The following UBR4 variants were observed in gnomAD, a reference collection of about 807,000 sequenced individuals.
UBR4 encodes E3 ubiquitin-protein ligase UBR4.
In UBR4, 124 loss-of-function variants were observed where a neutral mutation model predicts 575.6. That is an observed-to-expected ratio of 0.22 (90% confidence interval 0.19 to 0.25). The LOEUF (loss-of-function observed/expected upper bound fraction) is 0.25. UBR4 is among the 10% of genes least tolerant of loss of function. UBR4 has a pLI of 1.00. For missense variants in UBR4, 4,818 were observed against 6,478.8 expected (o/e 0.74, Z 8.80); for synonymous variants, 2,455 against 2,473.7 (o/e 0.99, Z 0.22).
chr1:19,187,076 T>TTATA (rs59833909), intron 13 of UBR4, 88 bp downstream of exon 13: 562 of 732,966 alleles, frequency 7.7e-4, no homozygotes, highest in African/African-American at 1.8e-3. Context: ...CAAGAAAGTT[T>TTATA]TATATATATA....
chr1:19,156,848 A>G lies in UBR4; in HGVS notation c.5838T>C (p.Ala1946=), dbSNP rs779883773. The part of the protein sequence containing the change: ...SKRKLTLTRL[A]SAPVPFTVLS... Reference sequence around the variant, plus strand: ...ACACAGTAAAAGGAACTGGGGCAGAAGCCAAGCGGGTCAGAGTTAACTTCC... The same window carrying G: ...ACACAGTAAAAGGAACTGGGGCAGAGGCCAAGCGGGTCAGAGTTAACTTCC... Residue 1946 remains alanine (A), a synonymous_variant, in exon 41 of 106, where the codon GCT becomes GCC. Transcript: ENST00000375254. The G allele has an allele frequency of 1.2e-6, 2 of 1,614,208 alleles. No individual in the cohort carries two copies. The highest frequency in any genetic ancestry group is 1.1e-5 in the South Asian group (1 of 91,090).
At chr1:19,092,112 GATA>G in intron 97 of UBR4, among the ~76,000 whole-genome samples, 1 of 152,186 alleles carries the variant, frequency 6.6e-6, no homozygotes, top group East Asian at 1.9e-4. Context: ...AGCAGGGGAA[GATA>G]GATGTGGCTA....
At chr1:19,087,710 T>G in intron 99 of UBR4, 106 bp downstream of exon 99, 2 of 845,818 alleles carry the variant, frequency 2.4e-6, no homozygotes, top group Non-Finnish European at 3.8e-6. Flanking sequence ...ATGCAGGCCT[T>G]GATCTTGCCT....
intron 55 of UBR4, 115 bp from the exon 56 acceptor site, chr1:19,141,892 G>C (rs1397748162): frequency 3.7e-5 from 54 of 1,453,958 alleles, no homozygotes; most frequent in Middle Eastern, 3.7e-4. Context: ...AGCACCCTGG[G>C]CTTTAGCGGG....
Position 19,127,752 on chromosome 1 carries a change from GC to G in UBR4, c.9112-14del, listed in dbSNP as rs1270262705. 6.2e-7 allele frequency: 1 copy of G among 1,609,836 alleles called. No individual in the cohort carries two copies. Among genetic ancestry groups the G allele is most frequent in the South Asian group, 1.1e-5 (1 of 90,980 alleles). On this transcript the variant is annotated splice_polypyrimidine_tract_variant and intron_variant, in intron 62 of 105. Transcript: ENST00000375254. ...TCTTGGAGACATCCTGCAGGCCAAA[GC>G]GTAAGTCCAGAAACCTCTACTTACT...
intron 62 of UBR4, among the ~76,000 whole-genome samples, 159 bp from the exon 63 acceptor site, chr1:19,127,898 G>A (rs149591377): frequency 1.3e-5 from 2 of 152,162 alleles, no homozygotes; most frequent in African/African-American, 4.8e-5. Flanking sequence ...CTATACTTGG[G>A]GTACCTAGAG....
chr1:19,083,283 T>C (rs1251197952), intron 102 of UBR4, among the ~76,000 whole-genome samples: 2 of 152,156 alleles, frequency 1.3e-5, no homozygotes, highest in Non-Finnish European at 2.9e-5. Flanking sequence ...GTTTTAACAA[T>C]GAAGCCTGTG....
rs895478500 is a variant in UBR4, at chr1:19,110,690, G to A, written c.11892+52C>T. ...TGGGAGGGGAAGCTGAGAAACACAA[G>A]GCATGTGAGGGGAAGTCAGAGAGGA... is the stretch of plus-strand genomic sequence containing the variant. On this transcript the variant is annotated intron_variant, in intron 79 of 105. Transcript: ENST00000375254. This position sits in a 1 kb window ranked among gnomAD's most constrained non-coding sequence, Gnocchi z 4.5. The A allele has an allele frequency of 6.3e-7, 1 of 1,581,144 alleles. No homozygotes were observed. The highest frequency in any genetic ancestry group is 8.7e-7 in the Non-Finnish European group (1 of 1,150,718).
Position 19,187,278 on chromosome 1 carries a change from A to C in UBR4, c.1518T>G (p.Pro506=), listed in dbSNP as rs1424085934. ...TCTGGGCCATAATGCTCAAGGCTGC[A>C]GGGGGGCCATCTGTCTCCCAACCCT... ...LHKGWETDGP[P]AALSIMAQST... The change falls in exon 13 of 106, where the codon CCT becomes CCG. Residue 506 remains proline (P), a synonymous_variant. Transcript: ENST00000375254. 2.5e-6 allele frequency: 4 copies of C among 1,613,810 alleles called. No homozygotes were observed. Among genetic ancestry groups the C allele is most frequent in the Non-Finnish European group, 2.5e-6 (3 of 1,179,828 alleles).
chr1:19,177,650 G>T lies in UBR4; in HGVS notation c.2448C>A (p.Leu816=). 6.2e-7 allele frequency: 1 copy of T among 1,614,100 alleles called. No individual in the cohort carries two copies. Among genetic ancestry groups the T allele is most frequent in the South Asian group, 1.1e-5 (1 of 91,070 alleles). Residue 816 remains leucine, a synonymous_variant, in exon 19 of 106, where the codon CTC becomes CTA. Transcript: ENST00000375254. ...LNVEHLQMLL[L]IFHNFTETGR... ...CTGTCTCGGTGAAATTGTGGAAAAT[G>T]AGGAGGAGCATCTGCAGGTGTTCTA...
In UBR4 at chr1:19,170,875, A is replaced by C; in HGVS notation, c.3530T>G (p.Leu1177Trp). The C allele has an allele frequency of 6.2e-7, 1 of 1,614,194 alleles. No homozygotes were observed. The highest frequency in any genetic ancestry group is 8.5e-7 in the Non-Finnish European group (1 of 1,180,022). Residue 1177 changes from leucine (L) to tryptophan (W), a missense_variant, in exon 26 of 106, where the codon TTG becomes TGG. Transcript: ENST00000375254. ...TCCCTCTTCATTAAAGTTTTGCAGC[A>C]AATAGGCTCTGGGGAAAAAACAGGG... is the stretch of plus-strand genomic sequence containing the variant. ...DTYASFTRAY[L>W]LQNFNEEGTT...
Position 19,185,300 on chromosome 1 carries a change from G to A in UBR4, c.1751-14C>T. ...CACTGTCATCGTCTGAATAGAGAAAGATAAAGTAACGAAAATAAATATTTT... is the reference window on the plus strand; with the variant it reads ...CACTGTCATCGTCTGAATAGAGAAAAATAAAGTAACGAAAATAAATATTTT... On this transcript the variant is annotated splice_polypyrimidine_tract_variant and intron_variant, in intron 14 of 105. Coordinates refer to ENST00000375254, the MANE Select transcript of UBR4 (RefSeq NM_020765.3). The A allele has an allele frequency of 1.3e-6, 2 of 1,513,702 alleles. No individual in the cohort carries two copies. The highest frequency in any genetic ancestry group is 1.8e-4 in the Middle Eastern group (1 of 5,536). 93.8% of individuals were successfully genotyped at this position (1,513,702 alleles called of 1,614,324 possible). A position where few individuals can be genotyped will look rare whatever the true frequency, so the allele number is the denominator to read the frequency against.
In UBR4 at chr1:19,177,621, C is replaced by T. The variant is rs543453513; in HGVS notation, c.2477G>A (p.Arg826Gln). 8.7e-6 allele frequency: 14 copies of T among 1,613,926 alleles called. No homozygotes were observed. Among genetic ancestry groups the T allele is most frequent in the Middle Eastern group, 1.7e-4 (1 of 6,058 alleles). Reference protein sequence around the residue: ...LIFHNFTETGRRAILSLFVQI... With the variant: ...LIFHNFTETGQRAILSLFVQI... ...GACAAAAAGCGACAATATGGCCCGCCGGCCTGTCTCGGTGAAATTGTGGAA... is the reference window on the plus strand; with the variant it reads ...GACAAAAAGCGACAATATGGCCCGCTGGCCTGTCTCGGTGAAATTGTGGAA... Residue 826 changes from arginine (R) to glutamine (Q), a missense_variant, in exon 19 of 106, where the codon CGG becomes CAG. By Grantham distance (43) the Arg-to-Gln change is conservative. This residue lies in a region of UBR4 where 1,172 missense variants were observed against 1,259.7 expected (regional missense o/e 0.93). Transcript: ENST00000375254.
At chr1:19,137,309 A>C (rs2083308140) in intron 60 of UBR4, among the ~76,000 whole-genome samples, 1 of 152,094 alleles carries the variant, frequency 6.6e-6, no homozygotes, top group South Asian at 2.1e-4. Flanking sequence ...AAAAAAAAAA[A>C]AAAAATTCTG....
intron 17 of UBR4, among the ~76,000 whole-genome samples, chr1:19,180,605 TGGAAAAATCA>T (rs1268477534): frequency 6.6e-6 from 1 of 150,706 alleles, no homozygotes; most frequent in East Asian, 1.9e-4. Context: ...ATTCTAATAA[TGGAAAAATCA>T]GGAAAAAAAA....
At chr1:19,115,704 A>G in intron 73 of UBR4, 67 bp from the exon 74 acceptor site, 1 of 1,583,602 alleles carries the variant, frequency 6.3e-7, no homozygotes, top group South Asian at 1.2e-5. Context: ...TGATGAGACA[A>G]AGAGGAAGAC....
At position 19,093,055 on chromosome 1, in the gene UBR4, A is replaced by G. The variant is rs2077682805; in HGVS notation, c.14112-137T>C. 2.3e-5 allele frequency: 20 copies of G among 880,124 alleles called. No individual in the cohort carries two copies. In the South Asian group the frequency reaches 3.5e-4, roughly 15 times the overall value. 54.5% of individuals were successfully genotyped at this position (880,124 alleles called of 1,614,324 possible). On this transcript the variant is annotated intron_variant, in intron 96 of 105. Coordinates refer to ENST00000375254, the MANE Select transcript of UBR4 (RefSeq NM_020765.3). This position sits in a 1 kb window ranked among gnomAD's most constrained non-coding sequence, Gnocchi z 4.8. ...CTCCGAGTGTCATAAAGAATCACAT[A>G]GAACCACCCAGCTCAGCTGAAAAGC... is the stretch of plus-strand genomic sequence containing the variant.
At chr1:19,084,138 TCCC>T (rs1268049572) in intron 102 of UBR4, among the ~76,000 whole-genome samples, 2 of 152,186 alleles carry the variant, frequency 1.3e-5, no homozygotes, top group Non-Finnish European at 2.9e-5. Context: ...ACCTGTGGCC[TCCC>T]CCCATTCAAG....
At position 19,138,093 on chromosome 1, in the gene UBR4, G is replaced by A. The variant is rs903774586; in HGVS notation, c.8820C>T (p.Ile2940=). The change falls in exon 60 of 106, where the codon ATC becomes ATT. Residue 2940 remains isoleucine, a synonymous_variant. Coordinates refer to ENST00000375254, the MANE Select transcript of UBR4 (RefSeq NM_020765.3). ...PGSVSSSTGA[I]STTTGHQEGD... ...CCTCCTGGTGCCCAGTGGTGGTGCT[G>A]ATGGCTCCAGTGCTTGAGCTGACAC... 3 of 1,598,500 alleles carry A rather than the reference G, an allele frequency of 1.9e-6. No homozygotes were observed.
Sources: allele counts gnomAD v4.1 joint callset (sites outside exome capture counted in the v4.1 genomes callset), GRCh38; gene constraint gnomAD v4.1.1; regional missense constraint gnomAD v4.1.1; non-coding constraint Gnocchi (gnomAD v3.1); transcripts MANE v1.5; gene names NCBI Gene and HGNC (gene_info 2026-07-23, HGNC 2026-07-21).